LYN: variants seen among roughly 807,000 people sequenced by gnomAD.
LYN encodes the protein tyrosine-protein kinase Lyn.
Under a neutral mutation model 65.0 loss-of-function variants are expected in LYN, and 12 were observed. That is an observed-to-expected ratio of 0.18 (90% confidence interval 0.12 to 0.30). The LOEUF is 0.30. Ranked by LOEUF, LYN falls within the 10% of genes least tolerant of loss-of-function variation. The probability of loss-of-function intolerance (pLI) is 1.00; values close to 1 mark genes in which losing one functional copy is unlikely to be tolerated. For missense variants in LYN, 380 were observed against 623.2 expected (o/e 0.61, Z 4.16); for synonymous variants, 222 against 221.2 (o/e 1.00, Z -0.03).
chr8:56,005,824 C>T (rs532558990), intron 12 of LYN, among the ~76,000 whole-genome samples: 1 of 152,278 alleles, frequency 6.6e-6, no homozygotes, highest in South Asian at 2.1e-4. Context: ...TAGCTCATGC[C>T]TGTAATCCCA....
rs143905761 is a variant in LYN, at chr8:55,918,093, G to A, written c.-5-23762G>A. On this transcript the variant is annotated intron_variant, in intron 1 of 12. Coordinates refer to ENST00000519728, the MANE Select transcript of LYN (RefSeq NM_002350.4). ...CCAGGGTGGTCTGGGCTGTGGTAGCGGCAGCAGCAGCTTGCAGATCTCCCA... is the reference window on the plus strand; with the variant it reads ...CCAGGGTGGTCTGGGCTGTGGTAGCAGCAGCAGCAGCTTGCAGATCTCCCA... 2.7e-3 allele frequency among the ~76,000 whole-genome samples: 410 copies of A among 152,256 alleles called. 1 individual carries two copies. Among genetic ancestry groups the A allele is most frequent in the African/African-American group, 9.1e-3 (380 of 41,560 alleles).
chr8:56,008,495 T>C (rs1196310344), intron 12 of LYN, among the ~76,000 whole-genome samples: 1 of 152,210 alleles, frequency 6.6e-6, no homozygotes, highest in African/African-American at 2.4e-5. Context: ...AGGGTATCCA[T>C]GAAATATGCA....
At chr8:55,995,882 G>C (rs1016284710) in intron 10 of LYN, among the ~76,000 whole-genome samples, 2 of 152,188 alleles carry the variant, frequency 1.3e-5, no homozygotes, top group Admixed American at 6.5e-5. Context: ...CTTTGAGACT[G>C]ATGTAGGCCA....
Position 55,985,242 on chromosome 8 carries a change from G to T in LYN, c.1051-13104G>T, listed in dbSNP as rs2667979. Among the ~76,000 whole-genome samples, 7 of 152,126 alleles carry T rather than the reference G, an allele frequency of 4.6e-5. No individual in the cohort carries two copies. The East Asian group carries it at 1.3e-3, about 29-fold the overall frequency. ...TGCTGAAATCACTAGGCATGGACAA[G>T]TCCTACCTGGTGAGCAAAATGCTTG... On this transcript the variant is annotated intron_variant, in intron 10 of 12. Transcript: ENST00000519728.
At chr8:55,917,151 G>A (rs1337278598) in intron 1 of LYN, among the ~76,000 whole-genome samples, 1 of 151,536 alleles carries the variant, frequency 6.6e-6, no homozygotes, top group East Asian at 1.9e-4. Flanking sequence ...ACATCAGCCT[G>A]GGTGATAGAG....
chr8:55,950,985 G>A (rs185556750), intron 6 of LYN, among the ~76,000 whole-genome samples: 127 of 152,298 alleles, frequency 8.3e-4, no homozygotes, highest in African/African-American at 3.0e-3. Context: ...GCTCACACCT[G>A]TAATCCTAAC....
intron 1 of LYN, among the ~76,000 whole-genome samples, chr8:55,902,188 A>T (rs1461412167): frequency 1.3e-5 from 2 of 151,722 alleles, no homozygotes; most frequent in African/African-American, 4.8e-5. Context: ...TTGTATTTTT[A>T]GTAGAGACAG....
Position 55,950,575 on chromosome 8 carries a change from G to T in LYN, c.383+18G>T. On this transcript the variant is annotated intron_variant, in intron 5 of 12. Transcript: ENST00000519728. ...ACAGAAGAGTGAGTCCTCATGTGTTGTCATCTTGGTGGCTTTATTTGCCAC... is the reference window on the plus strand; with the variant it reads ...ACAGAAGAGTGAGTCCTCATGTGTTTTCATCTTGGTGGCTTTATTTGCCAC... 4 of 1,604,638 alleles carry T rather than the reference G, an allele frequency of 2.5e-6. No individual in the cohort carries two copies. The highest frequency in any genetic ancestry group is 3.4e-6 in the Non-Finnish European group (4 of 1,171,834).
Position 55,941,988 on chromosome 8 carries a change from G to A in LYN, c.129G>A (p.Arg43=), listed in dbSNP as rs1188120590. 2 of 1,613,316 alleles carry A rather than the reference G, an allele frequency of 1.2e-6. No homozygotes were observed. Among genetic ancestry groups the A allele is most frequent in the East Asian group, 4.5e-5 (2 of 44,834 alleles). The change falls in exon 2 of 13, where the codon AGG becomes AGA. Residue 43 remains arginine (R), a synonymous_variant. Transcript: ENST00000519728. The part of the protein sequence containing the change: ...VRDPTSNKQQ[R]PVPESQLLPG... ...ATCCAACGTCCAATAAACAGCAAAGGCCAGTAAGTAGATAGTCTCAGGGGA... is the reference window on the plus strand; with the variant it reads ...ATCCAACGTCCAATAAACAGCAAAGACCAGTAAGTAGATAGTCTCAGGGGA...
intron 10 of LYN, among the ~76,000 whole-genome samples, chr8:55,980,868 A>G (rs1807898191): frequency 6.6e-6 from 1 of 152,220 alleles, no homozygotes; most frequent in East Asian, 1.9e-4. Flanking sequence ...AACCATCACC[A>G]ACATCCACCT....
chr8:56,010,362 C>T lies in LYN; in HGVS notation c.*252C>T, dbSNP rs1808781022. 2 of 478,426 alleles carry T rather than the reference C, an allele frequency of 4.2e-6. No individual in the cohort carries two copies. Among genetic ancestry groups the T allele is most frequent in the Non-Finnish European group, 7.6e-6 (2 of 262,048 alleles). 29.6% of individuals were successfully genotyped at this position (478,426 alleles called of 1,614,324 possible). On this transcript the variant is annotated 3_prime_UTR_variant, in exon 13 of 13. Coordinates refer to ENST00000519728, the MANE Select transcript of LYN (RefSeq NM_002350.4). Reference sequence around the variant, plus strand: ...CTGGTAATCTTGCTCTGCTTGACAACATCTGAGTGCAGCCGTTTGAGAAGA... The same window carrying T: ...CTGGTAATCTTGCTCTGCTTGACAATATCTGAGTGCAGCCGTTTGAGAAGA...
chr8:55,942,630 C>T lies in LYN; in HGVS notation c.132+639C>T, dbSNP rs934784554. Among the ~76,000 whole-genome samples, 125 of 151,160 alleles carry T rather than the reference C, an allele frequency of 8.3e-4. 1 individual carries two copies. Among genetic ancestry groups the T allele is most frequent in the African/African-American group, 2.8e-3 (117 of 41,188 alleles). On this transcript the variant is annotated intron_variant, in intron 2 of 12. Coordinates refer to ENST00000519728, the MANE Select transcript of LYN (RefSeq NM_002350.4). ...TGAAACCCCATCTCTACTAAAAATACAAAAATTAGCTGGGCACAGTGGCGG... is the reference window on the plus strand; with the variant it reads ...TGAAACCCCATCTCTACTAAAAATATAAAAATTAGCTGGGCACAGTGGCGG...
At chr8:55,982,222 T>C (rs1319904286) in intron 10 of LYN, among the ~76,000 whole-genome samples, 1 of 152,206 alleles carries the variant, frequency 6.6e-6, no homozygotes, top group Admixed American at 6.5e-5. Flanking sequence ...ACTACTTGCA[T>C]GATTATTAAA....
intron 1 of LYN, among the ~76,000 whole-genome samples, chr8:55,892,204 C>T (rs1342497704): frequency 1.3e-5 from 2 of 152,192 alleles, no homozygotes; most frequent in Non-Finnish European, 2.9e-5. Flanking sequence ...AGATGGATCA[C>T]GAGGTCAGGA....
chr8:55,898,764 C>G (rs912552897), intron 1 of LYN, among the ~76,000 whole-genome samples: 22 of 152,290 alleles, frequency 1.4e-4, no homozygotes, highest in African/African-American at 3.8e-4. Context: ...TACTCTCTTC[C>G]CCTTGTCCTA....
At chr8:55,979,188 G>A (rs1346651312) in intron 10 of LYN, among the ~76,000 whole-genome samples, 8 of 151,008 alleles carry the variant, frequency 5.3e-5, no homozygotes, top group South Asian at 2.1e-4. Context: ...GATTACAAAC[G>A]TGTGCCACCA....
intron 12 of LYN, among the ~76,000 whole-genome samples, chr8:56,008,346 A>G (rs569036156): frequency 2.6e-5 from 4 of 152,310 alleles, no homozygotes; most frequent in Non-Finnish European, 5.9e-5. Flanking sequence ...CAGTGATGGT[A>G]TAATCTACAG....
intron 10 of LYN, among the ~76,000 whole-genome samples, chr8:55,978,184 T>C (rs940882796): frequency 5.3e-5 from 8 of 152,042 alleles, no homozygotes; most frequent in African/African-American, 1.9e-4. Flanking sequence ...CTGGGGATAA[T>C]GGGGATCGAC....
At chr8:55,888,776 A>G (rs1270009696) in intron 1 of LYN, among the ~76,000 whole-genome samples, 8 of 152,058 alleles carry the variant, frequency 5.3e-5, no homozygotes, top group Non-Finnish European at 1.2e-4. Flanking sequence ...TCACTCTGTC[A>G]TCCAGGCTGG....
Sources: allele counts gnomAD v4.1 joint callset (sites outside exome capture counted in the v4.1 genomes callset), GRCh38; gene constraint gnomAD v4.1.1; transcripts MANE v1.5; gene names NCBI Gene and HGNC (gene_info 2026-07-23, HGNC 2026-07-21).